LRFN5: variants seen among roughly 807,000 people sequenced by gnomAD.
The protein encoded by LRFN5 is leucine-rich repeat and fibronectin type-III domain-containing protein 5.
In LRFN5, 24 loss-of-function variants were observed where a neutral mutation model predicts 45.6. The observed-to-expected ratio is 0.53, with a 90% CI of 0.38 to 0.74. The LOEUF (loss-of-function observed/expected upper bound fraction) is 0.74, where lower values mean the gene tolerates loss of function less well. LRFN5 is among the 30% of genes least tolerant of loss of function. The pLI is 0.00. For synonymous variants in LRFN5, 340 were observed against 313.8 expected, an observed-to-expected ratio of 1.08 and a Z score of -0.88; for missense variants, 776 against 861.5, an observed-to-expected ratio of 0.90 and a Z score of 1.24.
At chr14:41,834,806 G>T (rs143901116) in intron 2 of LRFN5, among the ~76,000 whole-genome samples, 1,896 of 151,932 alleles carry the variant, frequency 0.012, 38 homozygotes, top group African/African-American at 0.043. Context: ...GGTACTACAG[G>T]CATGCACCAC....
At chr14:41,853,259 G>A (rs1889335459) in intron 2 of LRFN5, among the ~76,000 whole-genome samples, 1 of 151,906 alleles carries the variant, frequency 6.6e-6, no homozygotes, top group East Asian at 1.9e-4. Context: ...TACAACAAGT[G>A]CCACCTTAGA....
At chr14:41,776,756 T>A in intron 2 of LRFN5, among the ~76,000 whole-genome samples, 1 of 152,194 alleles carries the variant, frequency 6.6e-6, no homozygotes, top group East Asian at 1.9e-4. Context: ...GCGTGTGTGC[T>A]TTTTTGTGCC....
At chr14:41,671,617 G>GATTTTTTTTTTTTTTTTTTTTTT (rs1881224166) in intron 1 of LRFN5, among the ~76,000 whole-genome samples, 1 of 78,020 alleles carries the variant, frequency 1.3e-5, no homozygotes, top group Non-Finnish European at 2.3e-5. Flanking sequence ...TTTTTTTTTC[G>GATTTTTTTTTTTTTTTTTTTTTT]TTTTTTTTTT....
chr14:41,892,534 T>C (rs1890822000), intron 4 of LRFN5: 1 of 973,814 alleles, frequency 1.0e-6, no homozygotes, highest in Non-Finnish European at 1.2e-6. Flanking sequence ...GGATAATTGA[T>C]ATTTTTAATA....
chr14:41,762,642 A>G (rs1290135692), intron 1 of LRFN5, among the ~76,000 whole-genome samples: 3 of 152,072 alleles, frequency 2.0e-5, no homozygotes, highest in Non-Finnish European at 4.4e-5. Context: ...TGTGTCCCAA[A>G]TTATTTTTCA....
At chr14:41,702,817 A>T (rs1389340199) in intron 1 of LRFN5, among the ~76,000 whole-genome samples, 1 of 151,864 alleles carries the variant, frequency 6.6e-6, no homozygotes, top group East Asian at 1.9e-4. Flanking sequence ...CTTTCTGGAG[A>T]TAAGGATATA....
intron 2 of LRFN5, among the ~76,000 whole-genome samples, chr14:41,838,854 T>C (rs568146526): frequency 6.6e-6 from 1 of 152,288 alleles, no homozygotes; most frequent in African/African-American, 2.4e-5. Flanking sequence ...GGTTATTTTC[T>C]TGGCTCATTG....
chr14:41,811,553 A>C (rs1417685993), intron 2 of LRFN5, among the ~76,000 whole-genome samples: 2 of 152,122 alleles, frequency 1.3e-5, no homozygotes, highest in Admixed American at 6.6e-5. Flanking sequence ...CCATAAATAA[A>C]CATGGTATAT....
intron 2 of LRFN5, among the ~76,000 whole-genome samples, chr14:41,790,073 A>G (rs1487355667): frequency 2.0e-5 from 3 of 151,858 alleles, no homozygotes; most frequent in Non-Finnish European, 4.4e-5. Flanking sequence ...TGAGCCTGGA[A>G]TTTTCGTTGT....
At chr14:41,873,976 T>G (rs970726307) in intron 2 of LRFN5, among the ~76,000 whole-genome samples, 2 of 152,202 alleles carry the variant, frequency 1.3e-5, no homozygotes, top group African/African-American at 4.8e-5. Context: ...AAAAACTGGA[T>G]AAAGTAATAA....
rs1010093942 is a variant in LRFN5 at position 41,607,066 on chromosome 14, C to T, written c.-1693C>T. 1.3e-5 allele frequency among the ~76,000 whole-genome samples: 2 copies of T among 152,126 alleles called. No individual in the cohort carries two copies. Among genetic ancestry groups the T allele is most frequent in the African/African-American group, 2.4e-5 (1 of 41,454 alleles). Reference sequence around the variant, plus strand: ...TCGCCCCAGCGCGGTGGCCAGCGGGCGGGGCGCTGTGTTCCGCGGCGCGCA... The same window carrying T: ...TCGCCCCAGCGCGGTGGCCAGCGGGTGGGGCGCTGTGTTCCGCGGCGCGCA... On this transcript the variant is annotated 5_prime_UTR_variant, in exon 1 of 6. Coordinates refer to ENST00000298119, the MANE Select transcript of LRFN5 (RefSeq NM_152447.5).
chr14:41,889,497 C>G (rs1890705192), intron 3 of LRFN5, among the ~76,000 whole-genome samples: 1 of 152,050 alleles, frequency 6.6e-6, no homozygotes, highest in African/African-American at 2.4e-5. Context: ...GACAAATACC[C>G]CTCCCCACCC....
intron 1 of LRFN5, among the ~76,000 whole-genome samples, chr14:41,689,749 G>T (rs528554979): frequency 6.7e-6 from 1 of 150,304 alleles, no homozygotes; most frequent in Admixed American, 6.6e-5. Flanking sequence ...AAAAAAATTA[G>T]CCGGGCGTGA....
At chr14:41,754,606 G>A (rs540206242) in intron 1 of LRFN5, among the ~76,000 whole-genome samples, 2 of 152,170 alleles carry the variant, frequency 1.3e-5, no homozygotes, top group South Asian at 2.1e-4. Context: ...GAGATTGGTG[G>A]TGATATCCCC....
At chr14:41,743,655 T>C (rs1884800486) in intron 1 of LRFN5, among the ~76,000 whole-genome samples, 1 of 152,162 alleles carries the variant, frequency 6.6e-6, no homozygotes. Flanking sequence ...ATCATGTATT[T>C]AAAAATTGTT....
intron 2 of LRFN5, among the ~76,000 whole-genome samples, chr14:41,791,925 C>G (rs1054284071): frequency 1.3e-5 from 2 of 152,068 alleles, no homozygotes; most frequent in Non-Finnish European, 2.9e-5. Context: ...AGTTCCTTTC[C>G]TTTGGCTATC....
chr14:41,771,842 C>T (rs1421062634), intron 2 of LRFN5, among the ~76,000 whole-genome samples: 1 of 152,170 alleles, frequency 6.6e-6, no homozygotes, highest in East Asian at 1.9e-4. Flanking sequence ...TACCCAGTTC[C>T]AAAGCCACTT....
intron 1 of LRFN5, among the ~76,000 whole-genome samples, chr14:41,639,949 A>ATTTTTTTTT (rs34020254): frequency 8.8e-5 from 6 of 68,036 alleles, no homozygotes; most frequent in East Asian, 4.0e-4. Flanking sequence ...TGACTGGCTA[A>ATTTTTTTTT]TTTTTTTTTT....
intron 2 of LRFN5, among the ~76,000 whole-genome samples, chr14:41,856,675 A>ATTATTATTTTTTTTTTT: frequency 0.012 from 224 of 18,326 alleles, 20 homozygotes; most frequent in South Asian, 0.03. Flanking sequence ...TATTATTATT[A>ATTATTATTTTTTTTTTT]TTTTTTTTTT....
Sources: allele counts gnomAD v4.1 joint callset (sites outside exome capture counted in the v4.1 genomes callset), GRCh38; gene constraint gnomAD v4.1.1; transcripts MANE v1.5; gene names NCBI Gene and HGNC (gene_info 2026-07-23, HGNC 2026-07-21).